Variants in COL25A1 observed in about 807,000 individuals in gnomAD.
The protein encoded by COL25A1 is collagen type XXV alpha 1 chain.
COL25A1 carries 103 observed loss-of-function variants against 128.4 expected under a neutral mutation model. The ratio of observed to expected loss-of-function variants is 0.80; its 90% confidence interval spans 0.68 to 0.94. COL25A1 has a LOEUF of 0.94. Ranked by LOEUF, COL25A1 falls within the 40% of genes least tolerant of loss-of-function variation. The pLI is 0.00. For missense variants in COL25A1, 745 were observed against 840.0 expected (o/e 0.89, Z 1.40); for synonymous variants, 279 against 277.2 (o/e 1.01, Z -0.06).
chr4:108,886,551 A>C (rs1355561554), intron 18 of COL25A1, among the ~76,000 whole-genome samples: 1 of 149,236 alleles, frequency 6.7e-6, no homozygotes, highest in African/African-American at 2.5e-5. Flanking sequence ...AATGTGCCCC[A>C]GGGAAGACAA....
chr4:109,173,117 ACT>A (rs1448110455), intron 3 of COL25A1, among the ~76,000 whole-genome samples: 1 of 152,052 alleles, frequency 6.6e-6, no homozygotes, highest in Non-Finnish European at 1.5e-5. Context: ...ACAGGGTCTC[ACT>A]CTGTCATGCA....
At chr4:108,994,441 G>A (rs1302505676) in intron 6 of COL25A1, among the ~76,000 whole-genome samples, 1 of 152,144 alleles carries the variant, frequency 6.6e-6, no homozygotes, top group Non-Finnish European at 1.5e-5. Context: ...GTAGCTCACA[G>A]TGTAAACAAA....
At chr4:109,276,882 C>A (rs960967887) in intron 3 of COL25A1, among the ~76,000 whole-genome samples, 8 of 152,140 alleles carry the variant, frequency 5.3e-5, no homozygotes, top group African/African-American at 1.9e-4. Context: ...AGAAATAGCC[C>A]ACCACACACT....
At chr4:109,217,280 A>G (rs1778066192) in intron 3 of COL25A1, among the ~76,000 whole-genome samples, 1 of 152,082 alleles carries the variant, frequency 6.6e-6, no homozygotes, top group Admixed American at 6.6e-5. Flanking sequence ...TATTTAATTT[A>G]TAGTTAATAT....
intron 5 of COL25A1, among the ~76,000 whole-genome samples, chr4:109,039,913 C>G (rs1759720351): frequency 6.6e-6 from 1 of 152,010 alleles, no homozygotes; most frequent in African/African-American, 2.4e-5. Flanking sequence ...CAAAATTAAG[C>G]AGAAGTAAGA....
At chr4:109,169,099 A>G (rs779482173) in intron 3 of COL25A1, among the ~76,000 whole-genome samples, 6 of 152,204 alleles carry the variant, frequency 3.9e-5, no homozygotes, top group Non-Finnish European at 7.3e-5. Context: ...TTAACTTGGT[A>G]GAAGTGTCCT....
At chr4:108,863,781 G>A (rs558017737) in intron 20 of COL25A1, among the ~76,000 whole-genome samples, 21 of 152,272 alleles carry the variant, frequency 1.4e-4, no homozygotes, top group Admixed American at 5.9e-4. Context: ...TCTCTCTTCC[G>A]CAGCTGAGAG....
chr4:109,196,980 A>T (rs1776094171), intron 3 of COL25A1, among the ~76,000 whole-genome samples: 1 of 152,110 alleles, frequency 6.6e-6, no homozygotes, highest in Admixed American at 6.6e-5. Context: ...ATATTCCACA[A>T]ACATATATTT....
At chr4:108,988,865 T>G (rs1578998283) in intron 6 of COL25A1, among the ~76,000 whole-genome samples, 1 of 152,232 alleles carries the variant, frequency 6.6e-6, no homozygotes, top group East Asian at 1.9e-4. Flanking sequence ...TTTCCTTCCC[T>G]GGACCTTTCC....
intron 3 of COL25A1, among the ~76,000 whole-genome samples, chr4:109,180,258 CA>C: frequency 6.6e-6 from 1 of 152,236 alleles, no homozygotes; most frequent in East Asian, 1.9e-4. Context: ...AAAGTAGCCT[CA>C]AAACACAAAG....
At chr4:108,845,391 C>A in intron 28 of COL25A1, 140 bp from the exon 29 acceptor site, 2 of 666,664 alleles carry the variant, frequency 3.0e-6, no homozygotes, top group African/African-American at 1.8e-5. Context: ...GGATTTATCT[C>A]CTTGAATTCT....
At chr4:108,845,501 A>G (rs1734978651) in intron 28 of COL25A1, among the ~76,000 whole-genome samples, 1 of 152,230 alleles carries the variant, frequency 6.6e-6, no homozygotes, top group Non-Finnish European at 1.5e-5. Context: ...GATTGGTTAA[A>G]GACCTACAGT....
chr4:109,024,579 T>G (rs369162442), intron 5 of COL25A1, among the ~76,000 whole-genome samples: 1 of 152,078 alleles, frequency 6.6e-6, no homozygotes, highest in East Asian at 1.9e-4. Flanking sequence ...GATAGGATTA[T>G]AAGTAAATAT....
intron 3 of COL25A1, among the ~76,000 whole-genome samples, chr4:109,058,774 G>A (rs181974662): frequency 2.0e-4 from 31 of 152,210 alleles, no homozygotes; most frequent in African/African-American, 7.5e-4. Context: ...TATGCAAATG[G>A]CCCAGATATT....
At position 108,862,377 on chromosome 4, in the gene COL25A1, A is replaced by G. The variant is rs1737342755; in HGVS notation, c.1197+124T>C. 3.3e-5 allele frequency: 25 copies of G among 750,916 alleles called. 1 individual carries two copies. The Admixed American group carries it at 5.0e-4, about 15-fold the overall frequency. 46.5% of individuals were successfully genotyped at this position (750,916 alleles called of 1,614,324 possible). ...TACTGCAATCCCTTTTGCAATAAGT[A>G]TTGCAGTTCCACTGTGTGAAAGAGT... On this transcript the variant is annotated intron_variant, in intron 22 of 37. Transcript: ENST00000399132.
At chr4:109,134,951 T>C (rs1769568645) in intron 3 of COL25A1, among the ~76,000 whole-genome samples, 1 of 147,162 alleles carries the variant, frequency 6.8e-6, no homozygotes, top group Admixed American at 7.1e-5. Context: ...TGGAGAGTCC[T>C]CCTGAGGGAG....
chr4:108,922,326 G>GTACTT (rs1009613143), intron 11 of COL25A1, among the ~76,000 whole-genome samples: 1 of 152,066 alleles, frequency 6.6e-6, no homozygotes, highest in Non-Finnish European at 1.5e-5. Flanking sequence ...TGTCTCTAGA[G>GTACTT]TACTTTAGTT....
chr4:109,054,102 T>A (rs1761234854), intron 3 of COL25A1, among the ~76,000 whole-genome samples: 1 of 152,210 alleles, frequency 6.6e-6, no homozygotes, highest in Non-Finnish European at 1.5e-5. Flanking sequence ...TCAATAAACA[T>A]TAGCTCCCAC....
intron 3 of COL25A1, among the ~76,000 whole-genome samples, chr4:109,248,036 A>C (rs904991270): frequency 6.6e-6 from 1 of 151,742 alleles, no homozygotes; most frequent in Admixed American, 6.6e-5. Flanking sequence ...CCTGAGAAAA[A>C]CCCGTATTGT....
Sources: allele counts gnomAD v4.1 joint callset (sites outside exome capture counted in the v4.1 genomes callset), GRCh38; gene constraint gnomAD v4.1.1; transcripts MANE v1.5; gene names NCBI Gene and HGNC (gene_info 2026-07-23, HGNC 2026-07-21).